The following GALNT13 variants were observed in gnomAD, a reference collection of about 807,000 sequenced individuals.
The protein encoded by GALNT13 is UDP-GalNAc:polypeptide N-acetylgalactosaminyltransferase 13.
A neutral mutation model predicts 64.2 loss-of-function variants in GALNT13; 28 were observed. The ratio of observed to expected loss-of-function variants is 0.44; its 90% CI spans 0.32 to 0.60. The LOEUF (loss-of-function observed/expected upper bound fraction) is 0.60. GALNT13 is among the 20% of genes least tolerant of loss of function. GALNT13 has a pLI of 0.05. For synonymous variants in GALNT13, 214 were observed against 224.6 expected (o/e 0.95, Z 0.42); for missense variants, 577 against 669.8 (o/e 0.86, Z 1.53).
the GALNT13 span, among the ~76,000 whole-genome samples, chr2:153,668,525 A>C: frequency 6.6e-6 from 1 of 152,264 alleles, no homozygotes; most frequent in East Asian, 1.9e-4. Flanking sequence ...GAACTGGGAC[A>C]CAAGAAAGAC....
chr2:153,670,217 C>T, the GALNT13 span, among the ~76,000 whole-genome samples: 2 of 152,122 alleles, frequency 1.3e-5, no homozygotes, highest in Non-Finnish European at 2.9e-5. Context: ...GTTCGAGCTC[C>T]GATAATGGAC....
rs139685284 is a variant in GALNT13 at position 154,078,661 on chromosome 2, T to G, written c.143-61676T>G. 8.1e-3 allele frequency among the ~76,000 whole-genome samples: 1,233 copies of G among 151,760 alleles called. 14 individuals carry two copies. The highest frequency in any genetic ancestry group is 0.028 in the African/African-American group (1,144 of 41,498). ...TTACATATTACATATGATGAACTTT[T>G]GAGGATGGGGGTCATAATTTCCTTT... On this transcript the variant is annotated intron_variant, in intron 3 of 12. Transcript: ENST00000392825.
At chr2:154,143,631 C>T (rs528025988) in intron 4 of GALNT13, among the ~76,000 whole-genome samples, 139 of 151,128 alleles carry the variant, frequency 9.2e-4, no homozygotes, top group Non-Finnish European at 1.6e-3. Context: ...GAGGCTGAGG[C>T]GGGCAGATCA....
the GALNT13 span, among the ~76,000 whole-genome samples, chr2:153,480,220 TTC>T: frequency 2.0e-5 from 3 of 152,196 alleles, no homozygotes; most frequent in African/African-American, 7.2e-5. Flanking sequence ...CTTAATTTCA[TTC>T]TGTTTGCTTG....
chr2:154,126,533 G>C (rs1574552290), intron 3 of GALNT13, among the ~76,000 whole-genome samples: 1 of 151,888 alleles, frequency 6.6e-6, no homozygotes, highest in African/African-American at 2.4e-5. Flanking sequence ...CACCAGGGAG[G>C]CTGAGGCAGG....
At chr2:154,082,176 A>G (rs904973964) in intron 3 of GALNT13, among the ~76,000 whole-genome samples, 2 of 151,640 alleles carry the variant, frequency 1.3e-5, no homozygotes, top group African/African-American at 4.8e-5. Context: ...ACCTATATGA[A>G]TTTTGTTTTC....
At chr2:154,149,976 T>G (rs998223970) in intron 4 of GALNT13, among the ~76,000 whole-genome samples, 14 of 152,008 alleles carry the variant, frequency 9.2e-5, no homozygotes, top group Middle Eastern at 3.4e-3. Context: ...TGAATAGGAG[T>G]GGTGAGAGAG....
At chr2:153,472,612 G>T in the GALNT13 span, among the ~76,000 whole-genome samples, 3 of 152,104 alleles carry the variant, frequency 2.0e-5, no homozygotes, top group East Asian at 5.8e-4. Context: ...GATTAGGCAG[G>T]GCAGGATTTC....
chr2:153,772,069 G>T, the GALNT13 span, among the ~76,000 whole-genome samples: 1 of 152,140 alleles, frequency 6.6e-6, no homozygotes, highest in South Asian at 2.1e-4. Context: ...GCAGTCTTGT[G>T]ACTGGAGAGA....
the GALNT13 span, among the ~76,000 whole-genome samples, chr2:153,469,532 G>T: frequency 6.6e-6 from 1 of 152,064 alleles, no homozygotes; most frequent in Non-Finnish European, 1.5e-5. Flanking sequence ...CAAACCCAAA[G>T]AAATGAACAA....
chr2:153,257,032 CG>C, the GALNT13 span, among the ~76,000 whole-genome samples: 1 of 152,222 alleles, frequency 6.6e-6, no homozygotes. Context: ...TGGGCAATGG[CG>C]GGCGCCCCTC....
chr2:153,846,408 A>G, the GALNT13 span, among the ~76,000 whole-genome samples: 1 of 152,140 alleles, frequency 6.6e-6, no homozygotes, highest in Non-Finnish European at 1.5e-5. Flanking sequence ...GGTATTCACT[A>G]AGAAATATTG....
chr2:153,122,815 C>T, the GALNT13 span, among the ~76,000 whole-genome samples: 1 of 152,050 alleles, frequency 6.6e-6, no homozygotes, highest in Non-Finnish European at 1.5e-5. Context: ...TTTAATTATA[C>T]CCCCTCCCCC....
chr2:153,376,179 T>C, the GALNT13 span, among the ~76,000 whole-genome samples: 1 of 152,108 alleles, frequency 6.6e-6, no homozygotes, highest in African/African-American at 2.4e-5. Flanking sequence ...CTATAACAAA[T>C]TTGGATCTTG....
At chr2:153,739,046 G>C in the GALNT13 span, among the ~76,000 whole-genome samples, 1 of 151,812 alleles carries the variant, frequency 6.6e-6, no homozygotes, top group East Asian at 1.9e-4. Flanking sequence ...ATTTTGGGAT[G>C]CTTTTGAAAT....
At chr2:153,813,956 A>G in the GALNT13 span, among the ~76,000 whole-genome samples, 1 of 152,136 alleles carries the variant, frequency 6.6e-6, no homozygotes, top group Non-Finnish European at 1.5e-5. Context: ...GTGCTCCCTG[A>G]TGTAGTCTGT....
At chr2:153,451,705 C>T in the GALNT13 span, among the ~76,000 whole-genome samples, 3 of 152,160 alleles carry the variant, frequency 2.0e-5, no homozygotes, top group Non-Finnish European at 4.4e-5. Flanking sequence ...GAGGAAATTT[C>T]ATTTTCGATA....
chr2:153,706,709 T>A, the GALNT13 span, among the ~76,000 whole-genome samples: 1 of 152,238 alleles, frequency 6.6e-6, no homozygotes, highest in East Asian at 1.9e-4. Flanking sequence ...TTATTTTTAC[T>A]GTGCTTATTT....
chr2:154,256,073 A>AG (rs1256521927), intron 7 of GALNT13, among the ~76,000 whole-genome samples: 1 of 151,742 alleles, frequency 6.6e-6, no homozygotes, highest in Admixed American at 6.6e-5. Flanking sequence ...GAAAAAAAAA[A>AG]CTCAGTTAAA....
Sources: allele counts gnomAD v4.1 joint callset (sites outside exome capture counted in the v4.1 genomes callset), GRCh38; gene constraint gnomAD v4.1.1; transcripts MANE v1.5; gene names NCBI Gene and HGNC (gene_info 2026-07-23, HGNC 2026-07-21).